CACNA1B: variants seen among roughly 807,000 people sequenced by gnomAD.
The protein encoded by CACNA1B is voltage-dependent N-type calcium channel subunit alpha-1B.
A neutral mutation model predicts 247.2 loss-of-function variants in CACNA1B; 70 were observed. The ratio of observed to expected loss-of-function variants is 0.28; its 90% confidence interval spans 0.23 to 0.35. The LOEUF is 0.35. CACNA1B is among the 10% of genes least tolerant of loss of function. CACNA1B has a pLI of 1.00. For synonymous variants in CACNA1B, 1,231 were observed against 1,294.4 expected (o/e 0.95, Z 1.05); for missense variants, 2,367 against 3,197.4 (o/e 0.74, Z 6.26).
intron 18 of CACNA1B, chr9:138,017,336 G>A (rs2133429617): frequency 2.3e-6 from 1 of 433,982 alleles, no homozygotes; most frequent in East Asian, 7.1e-5. Flanking sequence ...GGGCTTCTGT[G>A]GCCTGAGCGG....
chr9:137,977,730 G>A (rs1958237679), intron 12 of CACNA1B, among the ~76,000 whole-genome samples: 1 of 152,102 alleles, frequency 6.6e-6, no homozygotes, highest in Non-Finnish European at 1.5e-5. Flanking sequence ...GAGGGAGGAG[G>A]GAGGAGTGGG....
chr9:138,083,368 A>G (rs868263809), intron 36 of CACNA1B, among the ~76,000 whole-genome samples: 8 of 151,166 alleles, frequency 5.3e-5, no homozygotes, highest in Middle Eastern at 6.8e-3. Context: ...GAGCTGCTTC[A>G]CCTACCCTTC....
At position 138,122,165 on chromosome 9, in the gene CACNA1B, G is replaced by T; in HGVS notation, c.*166G>T. On this transcript the variant is annotated 3_prime_UTR_variant, in exon 47 of 47. Transcript: ENST00000371372. ...CCTCCCCTCTTTTACTCTAGACGAC[G>T]AATAAAGCCCTGTTAGAGGATGCGG... 1 of 621,850 alleles carries T rather than the reference G, an allele frequency of 1.6e-6. No individual in the cohort carries two copies. The highest frequency in any genetic ancestry group is 2.8e-6 in the Non-Finnish European group (1 of 356,884). 38.5% of individuals were successfully genotyped at this position (621,850 alleles called of 1,614,324 possible). A position where few individuals can be genotyped will look rare whatever the true frequency, so the allele number is the denominator to read the frequency against.
intron 18 of CACNA1B, among the ~76,000 whole-genome samples, chr9:138,021,092 C>T (rs1170504419): frequency 1.3e-5 from 2 of 152,232 alleles, no homozygotes; most frequent in Non-Finnish European, 2.9e-5. Flanking sequence ...CTGGTGCAAG[C>T]CCCTGGGGCT....
intron 6 of CACNA1B, among the ~76,000 whole-genome samples, chr9:137,922,988 C>G (rs557122785): frequency 6.6e-6 from 1 of 152,316 alleles, no homozygotes; most frequent in African/African-American, 2.4e-5. Flanking sequence ...TTTGCCATAT[C>G]TATAATTTAG....
chr9:137,902,164 T>C (rs1957247567), intron 3 of CACNA1B, among the ~76,000 whole-genome samples: 2 of 152,244 alleles, frequency 1.3e-5, no homozygotes, highest in Admixed American at 1.3e-4. Context: ...GTGTTTACTT[T>C]TGTGAGTTGT....
intron 6 of CACNA1B, among the ~76,000 whole-genome samples, chr9:137,936,565 C>T (rs543075002): frequency 6.6e-6 from 1 of 152,130 alleles, no homozygotes; most frequent in African/African-American, 2.4e-5. Context: ...ATGTCTATGT[C>T]CTGAATGGTA....
chr9:137,938,223 T>C (rs936001350), intron 6 of CACNA1B, among the ~76,000 whole-genome samples: 2 of 152,118 alleles, frequency 1.3e-5, no homozygotes, highest in African/African-American at 4.8e-5. Context: ...GAGAATTCGC[T>C]ACTACCAAGC....
At chr9:137,890,484 A>G (rs1307898798) in intron 3 of CACNA1B, 2 of 150,140 alleles carry the variant, frequency 1.3e-5, no homozygotes, top group African/African-American at 4.8e-5. Context: ...TGTCCCTGAT[A>G]TGGGCCAGGT....
At chr9:137,936,003 C>T (rs1382439332) in intron 6 of CACNA1B, among the ~76,000 whole-genome samples, 2 of 152,202 alleles carry the variant, frequency 1.3e-5, no homozygotes, top group African/African-American at 4.8e-5. Flanking sequence ...ACTACAGGCA[C>T]CTGCCACCAC....
At chr9:138,053,811 A>C (rs1216015347) in intron 25 of CACNA1B, 35 bp from the exon 26 acceptor site, 105 of 1,361,530 alleles carry the variant, frequency 7.7e-5, no homozygotes, top group Middle Eastern at 3.8e-4. Flanking sequence ...CCATGATTCC[A>C]CCCCCTCATC....
intron 13 of CACNA1B, among the ~76,000 whole-genome samples, chr9:137,984,637 C>T (rs1176761997): frequency 6.6e-6 from 1 of 152,174 alleles, no homozygotes; most frequent in East Asian, 1.9e-4. Context: ...GTCTGCCTAC[C>T]TCCCCTGCAG....
Position 138,057,595 on chromosome 9 carries a change from G to A in CACNA1B, c.3969-137G>A, listed in dbSNP as rs1304389028. Reference sequence around the variant, plus strand: ...TAGGGTCACATTCATTCTTCTGCATGTGGACATCCAGTTTTCCCAGCACAG... The same window carrying A: ...TAGGGTCACATTCATTCTTCTGCATATGGACATCCAGTTTTCCCAGCACAG... On this transcript the variant is annotated intron_variant, in intron 26 of 46. Coordinates refer to ENST00000371372, the MANE Select transcript of CACNA1B (RefSeq NM_000718.4). The surrounding 1 kb of genome is among the most constrained non-coding windows in gnomAD (Gnocchi z 4.0). The A allele has an allele frequency of 1.4e-5, 10 of 733,050 alleles. No individual in the cohort carries two copies. In the Admixed American group the frequency reaches 2.6e-4, roughly 19 times the overall value. The allele number at this position is 733,050 out of a possible 1,614,324, so 45.4% of individuals were successfully genotyped here.
chr9:137,930,980 T>C (rs1321680008), intron 6 of CACNA1B, among the ~76,000 whole-genome samples: 1 of 152,164 alleles, frequency 6.6e-6, no homozygotes, highest in Non-Finnish European at 1.5e-5. Context: ...AGTCTCACTG[T>C]CACCCAGGAT....
intron 20 of CACNA1B, chr9:138,032,833 G>A: frequency 5.4e-6 from 2 of 368,742 alleles, no homozygotes; most frequent in South Asian, 4.2e-5. Context: ...TATTTCAGAA[G>A]TTTGATTACA....
chr9:138,000,097 C>A (rs1408292518), intron 15 of CACNA1B, among the ~76,000 whole-genome samples: 2 of 126,924 alleles, frequency 1.6e-5, no homozygotes, highest in African/African-American at 5.4e-5. Flanking sequence ...GTAGATGAAA[C>A]ATGCTTTTTT....
intron 38 of CACNA1B, among the ~76,000 whole-genome samples, chr9:138,103,678 C>T (rs187359471): frequency 1.3e-5 from 2 of 152,368 alleles, no homozygotes; most frequent in East Asian, 3.9e-4. Flanking sequence ...AAGAGCCCTC[C>T]TGAGGCCCCC....
intron 10 of CACNA1B, among the ~76,000 whole-genome samples, chr9:137,964,791 T>C (rs573000270): frequency 6.6e-5 from 10 of 152,140 alleles, no homozygotes; most frequent in Non-Finnish European, 1.2e-4. Context: ...GCTTTTTGAG[T>C]TTTAAGCATT....
chr9:138,068,596 GCCT>G (rs748885959), intron 31 of CACNA1B: 14 of 518,716 alleles, frequency 2.7e-5, no homozygotes, highest in Admixed American at 2.5e-4. Flanking sequence ...ATTCCTAAGG[GCCT>G]CCTCCTTGGA....
Sources: allele counts gnomAD v4.1 joint callset (sites outside exome capture counted in the v4.1 genomes callset), GRCh38; gene constraint gnomAD v4.1.1; non-coding constraint Gnocchi (gnomAD v3.1); transcripts MANE v1.5; gene names NCBI Gene and HGNC (gene_info 2026-07-23, HGNC 2026-07-21).